Variants in SYT14 observed in about 807,000 individuals in gnomAD.
SYT14 encodes the protein synaptotagmin-14.
A neutral mutation model predicts 74.2 loss-of-function variants in SYT14; 32 were observed. The observed-to-expected ratio is 0.43, with a 90% CI of 0.33 to 0.58. The LOEUF (loss-of-function observed/expected upper bound fraction) is 0.58. Among genes scored for constraint, SYT14 ranks in the 20% least tolerant of loss-of-function variants. SYT14 has a pLI of 0.05. For missense variants in SYT14, 791 were observed against 981.8 expected (o/e 0.81, Z 2.60); for synonymous variants, 298 against 337.7 (o/e 0.88, Z 1.29).
intron 5 of SYT14, among the ~76,000 whole-genome samples, chr1:210,038,944 T>C (rs2080727648): frequency 1.3e-5 from 2 of 152,136 alleles, no homozygotes; most frequent in Admixed American, 1.3e-4. Context: ...TATCTGGATG[T>C]CTGAATCTCT....
chr1:209,955,187 A>G (rs1254721546), intron 2 of SYT14, among the ~76,000 whole-genome samples: 1 of 152,174 alleles, frequency 6.6e-6, no homozygotes, highest in Non-Finnish European at 1.5e-5. Context: ...ACACAAATTT[A>G]TAAATCCAGT....
rs537473233 is a variant in SYT14 at position 210,121,590 on chromosome 1, T to G, written c.2034+21129T>G. Among the ~76,000 whole-genome samples, 556 of 152,096 alleles carry G rather than the reference T, an allele frequency of 3.7e-3. 2 individuals are homozygous for G. Among genetic ancestry groups the G allele is most frequent in the Middle Eastern group, 6.8e-3 (2 of 294 alleles). On this transcript the variant is annotated intron_variant, in intron 7 of 9. Coordinates refer to ENST00000637265, the Ensembl canonical transcript of SYT14. ...TGGGCGGATCACAAGGTCAGGAGAT[T>G]GAGACCATCCTGGCTAACATGGTGA... is the stretch of plus-strand genomic sequence containing the variant.
chr1:210,110,300 AC>A (rs2082237999), intron 7 of SYT14, among the ~76,000 whole-genome samples: 1 of 152,156 alleles, frequency 6.6e-6, no homozygotes, highest in Non-Finnish European at 1.5e-5. Context: ...TGAATCAAGG[AC>A]CATTTTCCTC....
At chr1:209,997,543 A>G (rs535391737) in intron 2 of SYT14, among the ~76,000 whole-genome samples, 1 of 152,148 alleles carries the variant, frequency 6.6e-6, no homozygotes, top group Non-Finnish European at 1.5e-5. Flanking sequence ...CACACTGCCC[A>G]GTGCAATCTA....
intron 5 of SYT14, among the ~76,000 whole-genome samples, chr1:210,039,398 G>A (rs1280215112): frequency 1.3e-5 from 2 of 151,988 alleles, no homozygotes; most frequent in Non-Finnish European, 2.9e-5. Context: ...ATGGATTAAA[G>A]ACTTAAACGT....
intron 7 of SYT14, among the ~76,000 whole-genome samples, chr1:210,129,634 T>C (rs888965375): frequency 6.6e-6 from 1 of 152,258 alleles, no homozygotes; most frequent in Non-Finnish European, 1.5e-5. Flanking sequence ...CTTTAGTGAT[T>C]GGACATAATA....
At chr1:210,169,232 T>TG (rs2083494129) in exon 10 of SYT14, 2 of 139,092 alleles carry the variant, frequency 1.4e-5, no homozygotes, top group Non-Finnish European at 3.1e-5. Context: ...TTTTTTTTTT[T>TG]TTTTTTTTTT....
At chr1:209,962,677 C>T (rs975591033) in intron 2 of SYT14, among the ~76,000 whole-genome samples, 2 of 151,854 alleles carry the variant, frequency 1.3e-5, no homozygotes, top group Non-Finnish European at 2.9e-5. Flanking sequence ...TTAACATATA[C>T]GCTAAGAGTA....
intron 7 of SYT14, among the ~76,000 whole-genome samples, chr1:210,140,757 CTT>C: frequency 6.6e-6 from 1 of 151,834 alleles, no homozygotes; most frequent in East Asian, 1.9e-4. Context: ...GAAAAAAAAT[CTT>C]TTTTTCATTT....
In SYT14 at chr1:210,088,849, G is replaced by A. The variant is rs1048043363; in HGVS notation, c.1313-5473G>A. Among the ~76,000 whole-genome samples, 6 of 151,632 alleles carry A rather than the reference G, an allele frequency of 4.0e-5. 1 individual carries two copies. In the South Asian group the frequency reaches 8.3e-4, roughly 21 times the overall value. ...TTAGCCACATTCTACAAGTAGTTGT[G>A]TAGATCATTTTCATTATCATTCTCT... On this transcript the variant is annotated intron_variant, in intron 5 of 9. Transcript: ENST00000637265.
At chr1:210,113,640 G>A (rs1295266999) in intron 7 of SYT14, among the ~76,000 whole-genome samples, 1 of 150,856 alleles carries the variant, frequency 6.6e-6, no homozygotes, top group East Asian at 1.9e-4. Context: ...AGGGAGTAGA[G>A]GTGTCCCATA....
At chr1:210,163,836 A>G (rs2083422627) in exon 10 of SYT14, 1 of 453,712 alleles carries the variant, frequency 2.2e-6, no homozygotes, top group Non-Finnish European at 4.4e-6. Context: ...TGAAAGCTTA[A>G]TAGCAAAATC....
At chr1:210,016,881 A>G (rs1480735596) in exon 4 of SYT14, 2 of 1,231,720 alleles carry the variant, frequency 1.6e-6, no homozygotes, top group Non-Finnish European at 2.0e-6. Flanking sequence ...AGCAATAGGC[A>G]TATGACACAG....
intron 5 of SYT14, among the ~76,000 whole-genome samples, chr1:210,062,880 C>T (rs1212317207): frequency 9.9e-5 from 15 of 151,442 alleles, no homozygotes; most frequent in Non-Finnish European, 1.5e-5. Flanking sequence ...ATTATATATG[C>T]TGTGTGTATG....
intron 8 of SYT14, among the ~76,000 whole-genome samples, chr1:210,157,286 T>G (rs1045604409): frequency 7.0e-4 from 104 of 148,420 alleles, no homozygotes; most frequent in African/African-American, 2.5e-3. Flanking sequence ...TACAAAAAAT[T>G]TAAAAATTAG....
chr1:210,092,217 T>G (rs1038763843), intron 5 of SYT14, among the ~76,000 whole-genome samples: 1 of 152,044 alleles, frequency 6.6e-6, no homozygotes, highest in African/African-American at 2.4e-5. Context: ...AGTTTGGAGG[T>G]AGGTATTTAG....
intron 5 of SYT14, among the ~76,000 whole-genome samples, chr1:210,061,780 C>T (rs1249152938): frequency 1.3e-5 from 2 of 151,864 alleles, no homozygotes; most frequent in Non-Finnish European, 2.9e-5. Flanking sequence ...CACAATATAA[C>T]TTAGAACTTT....
chr1:210,133,099 CT>C (rs1172070047), intron 7 of SYT14, among the ~76,000 whole-genome samples: 1 of 152,168 alleles, frequency 6.6e-6, no homozygotes, highest in Non-Finnish European at 1.5e-5. Flanking sequence ...GTGGTACCTT[CT>C]TTTAATTAAT....
At chr1:210,035,369 CTGTTGACTGTGT>C (rs1425053417) in intron 5 of SYT14, among the ~76,000 whole-genome samples, 1 of 151,766 alleles carries the variant, frequency 6.6e-6, no homozygotes, top group Non-Finnish European at 1.5e-5. Flanking sequence ...TTCAAGTTGT[CTGTTGACTGTGT>C]TGATTGTTTT....
Sources: allele counts gnomAD v4.1 joint callset (sites outside exome capture counted in the v4.1 genomes callset), GRCh38; gene constraint gnomAD v4.1.1; transcripts MANE v1.5; gene names NCBI Gene and HGNC (gene_info 2026-07-23, HGNC 2026-07-21).